Variants in CDK12 observed in about 807,000 individuals in gnomAD.
CDK12 encodes cyclin dependent kinase 12, also known as cyclin-dependent kinase 12.
A neutral mutation model predicts 133.8 loss-of-function variants in CDK12; 17 were observed. The ratio of observed to expected loss-of-function variants is 0.13; its 90% CI spans 0.09 to 0.19. The LOEUF is 0.19. Among genes scored for constraint, CDK12 ranks in the 10% least tolerant of loss-of-function variants. The pLI, the probability that CDK12 is intolerant of heterozygous loss-of-function variation, is 1.00. For missense variants in CDK12, 1,508 were observed against 1,818.7 expected (o/e 0.83, Z 3.11); for synonymous variants, 694 against 683.6 (o/e 1.02, Z -0.24).
chr17:39,524,961 T>G (rs2054406332), intron 12 of CDK12, 76 bp downstream of exon 12: 2 of 1,251,848 alleles, frequency 1.6e-6, no homozygotes, highest in Non-Finnish European at 1.1e-6. Context: ...GTAAGGAGTT[T>G]GTGTGTGTGT....
Position 39,466,919 on chromosome 17 carries a change from CTTG to C in CDK12, c.1046+3804_1046+3806del, listed in dbSNP as rs561037359. Reference sequence around the variant, plus strand: ...ATATAGATCCCTTCTATGATATTCTCTTGTGTTTTTTTCCTTGGGAGACAGTCA... The same window carrying C: ...ATATAGATCCCTTCTATGATATTCTCTGTTTTTTTCCTTGGGAGACAGTCA... On this transcript the variant is annotated intron_variant, in intron 1 of 13. Transcript: ENST00000447079. Among the ~76,000 whole-genome samples the C allele has an allele frequency of 2.2e-3, 338 of 151,774 alleles. 2 individuals are homozygous for C. Among genetic ancestry groups the C allele is most frequent in the African/African-American group, 7.7e-3 (319 of 41,382 alleles).
chr17:39,548,445 C>G (rs1262480042), upstream of CDK12, among the ~76,000 whole-genome samples: 1 of 152,222 alleles, frequency 6.6e-6, no homozygotes, highest in Non-Finnish European at 1.5e-5. Context: ...ATGGCAGTCA[C>G]TTTCCGACCC....
Position 39,462,957 on chromosome 17 carries a change from A to G in CDK12, c.886A>G (p.Ser296Gly). The change falls in exon 1 of 14, where the codon AGT (serine) becomes GGT (glycine). Residue 296 changes from serine (S) to glycine (G), a missense_variant. Physicochemically the swap from Ser to Gly is moderately conservative, Grantham distance 56. Around this residue, in one of 9 missense-constraint regions of CDK12, gnomAD observed 460 missense variants for 490.8 expected, o/e 0.94. Transcript: ENST00000447079. ...QSSTRSPSPY[S>G]RRQRSVSPYS... ...CAGCACCCGGTCACCGAGCCCCTACAGTAGGCGACAGAGATCTGTCAGTCC... is the reference window on the plus strand; with the variant it reads ...CAGCACCCGGTCACCGAGCCCCTACGGTAGGCGACAGAGATCTGTCAGTCC... 1.2e-6 allele frequency: 2 copies of G among 1,614,186 alleles called. No homozygotes were observed. The highest frequency in any genetic ancestry group is 1.7e-6 in the Non-Finnish European group (2 of 1,180,032).
intron 2 of CDK12, among the ~76,000 whole-genome samples, chr17:39,481,638 CTCTCTCTCTCTCTCTCT>C (rs2050679624): frequency 1.9e-4 from 1 of 5,226 alleles, no homozygotes; most frequent in East Asian, 3.7e-3. Context: ...CGCGCGCTCT[CTCTCTCTCTCTCTCTCT>C]CTCTCTCTCT....
At chr17:39,544,461 T>G (rs1005956135), upstream of CDK12, 10 of 290,466 alleles carry the variant, frequency 3.4e-5, no homozygotes, top group African/African-American at 2.0e-4. Flanking sequence ...GAGAAGTTTC[T>G]TTCTTTTTTT....
chr17:39,504,859 G>GCA, intron 6 of CDK12, among the ~76,000 whole-genome samples: 1 of 95,950 alleles, frequency 1.0e-5, no homozygotes, highest in South Asian at 4.0e-4. Flanking sequence ...CATCCTGGGT[G>GCA]ACAGAACAAG....
At chr17:39,537,158 C>T (rs145812280), downstream of CDK12, among the ~76,000 whole-genome samples, 103 of 152,228 alleles carry the variant, frequency 6.8e-4, no homozygotes, top group African/African-American at 2.4e-3. Context: ...ACCTAAGGGG[C>T]CTATCTGATG....
Position 39,471,176 on chromosome 17 carries a change from C to A in CDK12, c.1344C>A (p.Pro448=). 6.3e-7 allele frequency: 1 copy of A among 1,580,452 alleles called. No individual in the cohort carries two copies. Among genetic ancestry groups the A allele is most frequent in the African/African-American group, 1.4e-5 (1 of 73,106 alleles). The change falls in exon 2 of 14, where the codon CCC becomes CCA. Residue 448 remains proline, a synonymous_variant. Transcript: ENST00000447079. ...CAGGTTTGGAGTCTAAAAAGTTACCCAGAAGTGTAAAATTGGAAAAATCTG... is the reference window on the plus strand; with the variant it reads ...CAGGTTTGGAGTCTAAAAAGTTACCAAGAAGTGTAAAATTGGAAAAATCTG... ...KDSGLESKKL[P]RSVKLEKSAP... is the part of the protein sequence containing the mutation.
rs555583125 is a variant in CDK12, at chr17:39,523,755, G to A, written c.3096-919G>A. Among the ~76,000 whole-genome samples the A allele has an allele frequency of 1.2e-4, 18 of 152,120 alleles. No homozygotes were observed. The South Asian group carries it at 3.7e-3, about 32-fold the overall frequency. ...TGCAGCCTCCACCTCCCAGGTTCAA[G>A]CAATCCTCCTGCTTCAGCCTCCTTA... is the stretch of plus-strand genomic sequence containing the variant. On this transcript the variant is annotated intron_variant, in intron 11 of 13. Coordinates refer to ENST00000447079, the MANE Select transcript of CDK12 (RefSeq NM_016507.4).
chr17:39,542,032 C>T (rs2143805466), intron 1 of CDK12, among the ~76,000 whole-genome samples: 1 of 152,166 alleles, frequency 6.6e-6, no homozygotes, highest in African/African-American at 2.4e-5. Flanking sequence ...TTTAAGATGA[C>T]CCTTTCCTGA....
At chr17:39,566,928 C>G (rs988192372), downstream of CDK12, 1 of 152,276 alleles carries the variant, frequency 6.6e-6, no homozygotes, top group African/African-American at 2.4e-5. Flanking sequence ...TGTGGAGAGG[C>G]CTGGGGCCTT....
rs567425501 is a variant in CDK12, at chr17:39,495,018, G to A, written c.2419+324G>A. On this transcript the variant is annotated intron_variant, in intron 5 of 13. Coordinates refer to ENST00000447079, the MANE Select transcript of CDK12 (RefSeq NM_016507.4). ...GATCTCCTGACCTCGTGATCCGCCC[G>A]CCTGGGCCTCCCAAAGTTCTGGGAT... 4.9e-4 allele frequency among the ~76,000 whole-genome samples: 75 copies of A among 152,040 alleles called. No individual in the cohort carries two copies. In the Middle Eastern group the frequency reaches 0.01, roughly 21 times the overall value.
intron 5 of CDK12, among the ~76,000 whole-genome samples, chr17:39,497,140 C>T (rs1045225780): frequency 3.3e-5 from 5 of 151,980 alleles, no homozygotes; most frequent in African/African-American, 1.2e-4. Context: ...GCCATTTGGC[C>T]GGGCTGGTCT....
intron 2 of CDK12, among the ~76,000 whole-genome samples, chr17:39,476,032 T>C (rs1375205890): frequency 6.6e-6 from 1 of 152,012 alleles, no homozygotes; most frequent in Non-Finnish European, 1.5e-5. Flanking sequence ...GTTTACATAG[T>C]GGCTAGAATA....
intron 10 of CDK12, among the ~76,000 whole-genome samples, chr17:39,518,398 C>T (rs1444800477): frequency 2.0e-5 from 3 of 151,232 alleles, no homozygotes; most frequent in African/African-American, 7.3e-5. Context: ...AGCTCCTGGG[C>T]TCAAGTGCTC....
chr17:39,500,873 C>T (rs1257778829), intron 5 of CDK12, among the ~76,000 whole-genome samples: 6 of 151,076 alleles, frequency 4.0e-5, no homozygotes, highest in Admixed American at 3.3e-4. Flanking sequence ...ATTACAGGCA[C>T]GTGCCACCAT....
intron 5 of CDK12, among the ~76,000 whole-genome samples, chr17:39,495,850 AC>A (rs988661884): frequency 1.3e-5 from 2 of 151,210 alleles, no homozygotes; most frequent in African/African-American, 4.9e-5. Flanking sequence ...CCAATATACT[AC>A]CATCCATGGA....
Position 39,462,902 on chromosome 17 carries a change from C to G in CDK12, c.831C>G (p.Pro277=). The G allele has an allele frequency of 6.2e-7, 1 of 1,614,202 alleles. No individual in the cohort carries two copies. Residue 277 remains proline (P), a synonymous_variant, in exon 1 of 14, where the codon CCC becomes CCG. Coordinates refer to ENST00000447079, the MANE Select transcript of CDK12 (RefSeq NM_016507.4). ...CCTCGAGAAGGCAGTCGGTCAGTCC[C>G]CCTTACAAGGAGCCTTCGGCCTACC... ...GSTSRRQSVS[P]PYKEPSAYQS... is the part of the protein sequence containing the mutation.
chr17:39,566,638 C>T (rs966209352), downstream of CDK12, among the ~76,000 whole-genome samples: 5 of 152,140 alleles, frequency 3.3e-5, no homozygotes, highest in African/African-American at 4.8e-5. Flanking sequence ...GGGGTGTCTG[C>T]GATGGAAAAA....
Sources: allele counts gnomAD v4.1 joint callset (sites outside exome capture counted in the v4.1 genomes callset), GRCh38; gene constraint gnomAD v4.1.1; regional missense constraint gnomAD v4.1.1; transcripts MANE v1.5; gene names NCBI Gene and HGNC (gene_info 2026-07-23, HGNC 2026-07-21).